Variants in TMEM108 observed in about 807,000 individuals in gnomAD.
The protein encoded by TMEM108 is transmembrane protein 108, also known as cancer/testis antigen 124.
A neutral mutation model predicts 35.1 loss-of-function variants in TMEM108; 12 were observed. That is an observed-to-expected ratio of 0.34 (90% CI 0.22 to 0.55). The LOEUF is 0.55. Among genes scored for constraint, TMEM108 ranks in the 20% least tolerant of loss-of-function variants. The pLI is 0.89. For missense variants in TMEM108, 680 were observed against 753.3 expected, an observed-to-expected ratio of 0.90 and a Z score of 1.14; for synonymous variants, 287 against 308.6, an observed-to-expected ratio of 0.93 and a Z score of 0.73.
intron 3 of TMEM108, among the ~76,000 whole-genome samples, chr3:133,291,587 G>T (rs1042539727): frequency 9.9e-5 from 15 of 151,662 alleles, no homozygotes; most frequent in African/African-American, 3.1e-4. Context: ...CTACCAGTGA[G>T]TTTTTTTTAA....
In TMEM108 at chr3:133,144,929, T is replaced by C. The variant is rs191945817; in HGVS notation, c.-46-84337T>C. The stretch of plus-strand genomic sequence containing the variant: ...CATTCTGTAGGTTGCCTGTTCACTC[T>C]GATAGTTTCTTTTGCTATGCAGAAG... On this transcript the variant is annotated intron_variant, in intron 2 of 5. Transcript: ENST00000321871. Among the ~76,000 whole-genome samples the C allele has an allele frequency of 9.8e-5, 15 of 152,328 alleles. No individual in the cohort carries two copies. The East Asian group carries it at 2.7e-3, about 27-fold the overall frequency.
intron 3 of TMEM108, among the ~76,000 whole-genome samples, chr3:133,309,347 G>A (rs112734237): frequency 0.042 from 6,448 of 152,096 alleles, 427 homozygotes; most frequent in African/African-American, 0.14. Flanking sequence ...AGGGTTTTTT[G>A]TGTGTCTATC....
intron 3 of TMEM108, among the ~76,000 whole-genome samples, chr3:133,318,036 T>C (rs1026190537): frequency 6.6e-6 from 1 of 152,232 alleles, no homozygotes; most frequent in Non-Finnish European, 1.5e-5. Flanking sequence ...CATTTCACTC[T>C]CTGGATTTCC....
Position 133,169,831 on chromosome 3 carries a change from T to C in TMEM108, c.-46-59435T>C, listed in dbSNP as rs1025418020. Reference sequence around the variant, plus strand: ...TTATCTATCAAATACCAGATGGCTGTGTAGATTAGCCCCAATGAGTAAAAA... The same window carrying C: ...TTATCTATCAAATACCAGATGGCTGCGTAGATTAGCCCCAATGAGTAAAAA... On this transcript the variant is annotated intron_variant, in intron 2 of 5. Coordinates refer to ENST00000321871, the MANE Select transcript of TMEM108 (RefSeq NM_023943.4). 3.3e-5 allele frequency among the ~76,000 whole-genome samples: 5 copies of C among 152,178 alleles called. No individual in the cohort carries two copies. In the South Asian group the frequency reaches 1.0e-3, roughly 32 times the overall value.
intron 2 of TMEM108, among the ~76,000 whole-genome samples, chr3:133,133,998 G>A (rs554604849): frequency 4.6e-5 from 7 of 151,780 alleles, no homozygotes; most frequent in Non-Finnish European, 8.8e-5. Flanking sequence ...TCCTGACCTC[G>A]TGATCCACCC....
chr3:133,385,316 C>G (rs1427503483), intron 4 of TMEM108, among the ~76,000 whole-genome samples: 1 of 152,116 alleles, frequency 6.6e-6, no homozygotes, highest in African/African-American at 2.4e-5. Flanking sequence ...CCCAGCTGTT[C>G]CAGTGTTAGA....
intron 3 of TMEM108, among the ~76,000 whole-genome samples, chr3:133,275,345 A>G (rs893125361): frequency 6.6e-6 from 1 of 152,190 alleles, no homozygotes; most frequent in Admixed American, 6.5e-5. Flanking sequence ...TTTTAATAAT[A>G]TATTTTATTT....
intron 2 of TMEM108, among the ~76,000 whole-genome samples, chr3:133,076,428 C>T: frequency 6.6e-6 from 1 of 152,050 alleles, no homozygotes; most frequent in East Asian, 1.9e-4. Flanking sequence ...GAACTTGGGT[C>T]TCAAAGCCCA....
chr3:133,368,493 T>C (rs139878939), intron 3 of TMEM108, among the ~76,000 whole-genome samples: 43 of 152,204 alleles, frequency 2.8e-4, no homozygotes, highest in African/African-American at 9.9e-4. Context: ...AATGAGAGGG[T>C]CTCTGCAGCA....
At chr3:133,284,800 T>C (rs1285709311) in intron 3 of TMEM108, among the ~76,000 whole-genome samples, 1 of 152,216 alleles carries the variant, frequency 6.6e-6, no homozygotes, top group African/African-American at 2.4e-5. Flanking sequence ...CAACCCTCCT[T>C]CTCAACTAGT....
chr3:133,214,099 G>C (rs1945871843), intron 2 of TMEM108, among the ~76,000 whole-genome samples: 2 of 152,180 alleles, frequency 1.3e-5, no homozygotes, highest in Non-Finnish European at 2.9e-5. Context: ...CTGGGCGATA[G>C]TTGCTAACTT....
At chr3:133,096,076 A>T (rs1252256311) in intron 2 of TMEM108, among the ~76,000 whole-genome samples, 1 of 152,182 alleles carries the variant, frequency 6.6e-6, no homozygotes, top group Non-Finnish European at 1.5e-5. Flanking sequence ...GGTCATCTTG[A>T]TGTCTTAGAC....
chr3:133,143,591 T>C (rs995067003), intron 2 of TMEM108, among the ~76,000 whole-genome samples: 2 of 152,224 alleles, frequency 1.3e-5, no homozygotes, highest in African/African-American at 4.8e-5. Context: ...GATGTCATAA[T>C]TCTGTTTTAC....
intron 2 of TMEM108, among the ~76,000 whole-genome samples, chr3:133,142,885 T>C (rs1200824940): frequency 6.6e-6 from 1 of 152,220 alleles, no homozygotes; most frequent in East Asian, 1.9e-4. Context: ...TGTCATTTTC[T>C]CAGTTTTCAG....
intron 2 of TMEM108, among the ~76,000 whole-genome samples, chr3:133,188,970 T>G (rs1945460585): frequency 6.6e-6 from 1 of 152,136 alleles, no homozygotes; most frequent in African/African-American, 2.4e-5. Context: ...TGGCGCATCA[T>G]GCAGGGTAGG....
chr3:133,384,617 C>T (rs949378226), intron 4 of TMEM108, among the ~76,000 whole-genome samples: 3 of 152,156 alleles, frequency 2.0e-5, no homozygotes, highest in Non-Finnish European at 4.4e-5. Context: ...GGCAGAGGAG[C>T]CAGGTGGCTC....
At chr3:133,309,561 G>A (rs1219924822) in intron 3 of TMEM108, among the ~76,000 whole-genome samples, 1 of 151,356 alleles carries the variant, frequency 6.6e-6, no homozygotes, top group Admixed American at 6.6e-5. Flanking sequence ...GGTACGTCGT[G>A]TCTTTGTTCT....
chr3:133,334,291 T>C (rs2071448612), intron 3 of TMEM108, among the ~76,000 whole-genome samples: 2 of 152,044 alleles, frequency 1.3e-5, no homozygotes, highest in South Asian at 2.1e-4. Context: ...CATAGCCAAA[T>C]TGAGGAGACA....
intron 2 of TMEM108, among the ~76,000 whole-genome samples, chr3:133,225,589 C>G (rs997929386): frequency 6.6e-6 from 1 of 152,110 alleles, no homozygotes; most frequent in Non-Finnish European, 1.5e-5. Flanking sequence ...TCAAGTCAGT[C>G]TCTCCCAAAT....
Sources: allele counts gnomAD v4.1 joint callset (sites outside exome capture counted in the v4.1 genomes callset), GRCh38; gene constraint gnomAD v4.1.1; transcripts MANE v1.5; gene names NCBI Gene and HGNC (gene_info 2026-07-23, HGNC 2026-07-21).